The following POMZP3 variants were observed in gnomAD, a reference collection of about 807,000 sequenced individuals.
The protein encoded by POMZP3 is POM121 and ZP3 fusion protein.
In POMZP3, 10 loss-of-function variants were observed where a neutral mutation model predicts 19.8. That is an observed-to-expected ratio of 0.51 (90% CI 0.31 to 0.86). POMZP3 has a LOEUF of 0.86. Ranked by LOEUF, POMZP3 falls within the 40% of genes least tolerant of loss-of-function variation. POMZP3 has a pLI of 0.04. For synonymous variants in POMZP3, 57 were observed against 85.8 expected (o/e 0.66, Z 1.85); for missense variants, 152 against 228.1 (o/e 0.67, Z 2.15).
intron 3 of POMZP3, among the ~76,000 whole-genome samples, chr7:76,623,690 C>CTCAGCAGG (rs1429570226): frequency 2.7e-5 from 4 of 149,900 alleles, no homozygotes; most frequent in Non-Finnish European, 4.4e-5. Context: ...ATCCCAGCTA[C>CTCAGCAGG]TCAGCAGGCT....
At chr7:76,624,948 T>C (rs1815786757) in intron 3 of POMZP3, among the ~76,000 whole-genome samples, 1 of 150,644 alleles carries the variant, frequency 6.6e-6, no homozygotes, top group Non-Finnish European at 1.5e-5. Flanking sequence ...CTGGCCAACA[T>C]GGTGAAACCC....
intron 1 of POMZP3, 196 bp downstream of exon 1, chr7:76,626,512 A>C (rs1815909086): frequency 1.5e-5 from 9 of 601,672 alleles, no homozygotes; most frequent in Non-Finnish European, 2.3e-5. Flanking sequence ...GAAAGAAGGG[A>C]ATCGTTTTGG....
In POMZP3 at chr7:76,626,824, C is replaced by G. The variant is rs867665285; in HGVS notation, c.-268G>C. On this transcript the variant is annotated 5_prime_UTR_variant, in exon 1 of 7. Coordinates refer to ENST00000310842, the MANE Select transcript of POMZP3 (RefSeq NM_012230.5). ...TGGAGCGCGGCGCCGGGCGGGCGGGCGGCGGCCAGGCCTATTCCGCAGGTC... is the reference window on the plus strand; with the variant it reads ...TGGAGCGCGGCGCCGGGCGGGCGGGGGGCGGCCAGGCCTATTCCGCAGGTC... The G allele has an allele frequency of 1.8e-5, 22 of 1,224,574 alleles. No homozygotes were observed. The highest frequency in any genetic ancestry group is 3.2e-4 in the Middle Eastern group (1 of 3,164). The allele number at this position is 1,224,574 out of a possible 1,614,324, so 75.9% of individuals were successfully genotyped here. A position where few individuals can be genotyped will look rare whatever the true frequency, so the allele number is the denominator to read the frequency against.
At chr7:76,624,736 T>C (rs1025475387) in intron 3 of POMZP3, among the ~76,000 whole-genome samples, 7 of 150,858 alleles carry the variant, frequency 4.6e-5, no homozygotes, top group Non-Finnish European at 1.5e-5. Flanking sequence ...GTGAGCCACC[T>C]TGCCCTTCCA....
intron 4 of POMZP3, among the ~76,000 whole-genome samples, chr7:76,614,603 C>T (rs2002485): frequency 2.3e-3 from 182 of 77,808 alleles, no homozygotes; most frequent in African/African-American, 9.8e-3. Context: ...TGATAGCTCA[C>T]GCCTGTAATC....
At chr7:76,620,861 ATTTTTTTTTTT>A (rs56084078) in intron 3 of POMZP3, among the ~76,000 whole-genome samples, 1 of 76,206 alleles carries the variant, frequency 1.3e-5, no homozygotes, top group African/African-American at 6.8e-5. Context: ...CTGTAAAGCC[ATTTTTTTTTTT>A]TTTTTTTTTT....
intron 4 of POMZP3, among the ~76,000 whole-genome samples, chr7:76,614,564 CAA>C (rs749162077): frequency 3.3e-4 from 16 of 47,834 alleles, no homozygotes; most frequent in Admixed American, 9.1e-4. Context: ...CCATTTCCCC[CAA>C]AAAAAAAAAA....
chr7:76,620,627 C>T (rs575104747), intron 3 of POMZP3, among the ~76,000 whole-genome samples: 1 of 151,596 alleles, frequency 6.6e-6, no homozygotes, highest in Non-Finnish European at 1.5e-5. Context: ...CCCACCATGC[C>T]TGGCTAATTT....
Position 76,615,764 on chromosome 7 carries a change from C to T in POMZP3, c.345+2419G>A, listed in dbSNP as rs1473238048. 2.4e-5 allele frequency: 2 copies of T among 84,242 alleles called. 1 individual carries two copies. Among genetic ancestry groups the T allele is most frequent in the African/African-American group, 1.4e-4 (2 of 14,290 alleles). 5.2% of individuals were successfully genotyped at this position (84,242 alleles called of 1,614,324 possible). A position where few individuals can be genotyped will look rare whatever the true frequency, so the allele number is the denominator to read the frequency against. On this transcript the variant is annotated intron_variant, in intron 4 of 6. Coordinates refer to ENST00000310842, the MANE Select transcript of POMZP3 (RefSeq NM_012230.5). Reference sequence around the variant, plus strand: ...CTTTGGGAGGCCAAGGCAGGTGGATCGTTTGAGGTCGGGTATTCAAGACCA... The same window carrying T: ...CTTTGGGAGGCCAAGGCAGGTGGATTGTTTGAGGTCGGGTATTCAAGACCA...
intron 4 of POMZP3, 139 bp from the exon 5 acceptor site, chr7:76,611,952 A>G: frequency 6.7e-7 from 1 of 1,484,162 alleles, no homozygotes; most frequent in Non-Finnish European, 9.1e-7. Flanking sequence ...TAATCCCAGC[A>G]CTTTGGGAGG....
chr7:76,620,937 T>C (rs1815524226), intron 3 of POMZP3, among the ~76,000 whole-genome samples: 2 of 144,240 alleles, frequency 1.4e-5, no homozygotes, highest in Non-Finnish European at 3.0e-5. Context: ...GGCATGATCT[T>C]GGCTCACTGC....
In POMZP3 at chr7:76,610,227, G is replaced by A; in HGVS notation, c.*12-12C>T. 1 of 1,613,820 alleles carries A rather than the reference G, an allele frequency of 6.2e-7. No homozygotes were observed. Among genetic ancestry groups the A allele is most frequent in the Non-Finnish European group, 8.5e-7 (1 of 1,179,836 alleles). ...TGCTTCTTCTGTCACTGTGAAAGGAGAACACACAACCAAGGGTCATCTTAG... is the reference window on the plus strand; with the variant it reads ...TGCTTCTTCTGTCACTGTGAAAGGAAAACACACAACCAAGGGTCATCTTAG... On this transcript the variant is annotated splice_polypyrimidine_tract_variant and intron_variant, in intron 6 of 6. Coordinates refer to ENST00000310842, the MANE Select transcript of POMZP3 (RefSeq NM_012230.5).
chr7:76,616,274 C>G (rs1815284211), intron 4 of POMZP3, among the ~76,000 whole-genome samples: 1 of 95,670 alleles, frequency 1.0e-5, no homozygotes, highest in African/African-American at 5.8e-5. Context: ...CAGAGTGAGA[C>G]TGTCTCAAAA....
At chr7:76,619,862 TAAAAA>T (rs1425306566) in intron 3 of POMZP3, among the ~76,000 whole-genome samples, 1 of 85,646 alleles carries the variant, frequency 1.2e-5, no homozygotes, top group Non-Finnish European at 2.3e-5. Context: ...CTACAAAAAA[TAAAAA>T]AATTAGCTGG....
At chr7:76,615,230 A>C (rs1815248284) in intron 4 of POMZP3, among the ~76,000 whole-genome samples, 1 of 97,026 alleles carries the variant, frequency 1.0e-5, no homozygotes, top group Non-Finnish European at 2.3e-5. Context: ...CTCTGTGAAA[A>C]CTTCTCCCCA....
intron 3 of POMZP3, among the ~76,000 whole-genome samples, chr7:76,623,824 G>A (rs1430730495): frequency 6.6e-6 from 1 of 152,028 alleles, no homozygotes; most frequent in African/African-American, 2.4e-5. Flanking sequence ...AAGAGAGAGA[G>A]AGAGAAAGAA....
chr7:76,625,903 T>G (rs1162025729), intron 2 of POMZP3, 97 bp downstream of exon 2: 1 of 1,552,618 alleles, frequency 6.4e-7, no homozygotes, highest in Admixed American at 1.9e-5. Flanking sequence ...GATTCGTCCT[T>G]TCTTTTTTGC....
At position 76,626,259 on chromosome 7, in the gene POMZP3, A is replaced by C. The variant is rs1270991958; in HGVS notation, c.-151-44T>G. On this transcript the variant is annotated intron_variant, in intron 1 of 6. Transcript: ENST00000310842. ...AAATCATGGAAACAAAGTATAAAAG[A>C]ATGTCAAAATTTTAGACGGTTAAAA... 3 of 1,491,070 alleles carry C rather than the reference A, an allele frequency of 2.0e-6. No homozygotes were observed. In the African/African-American group the frequency reaches 4.2e-5, roughly 21 times the overall value. 92.4% of individuals were successfully genotyped at this position (1,491,070 alleles called of 1,614,324 possible).
At chr7:76,625,453 G>A in intron 3 of POMZP3, 69 bp downstream of exon 3, 1 of 1,599,536 alleles carries the variant, frequency 6.3e-7, no homozygotes, top group Non-Finnish European at 8.6e-7. Flanking sequence ...ATCTTTACGG[G>A]AATGTCTACA....
Sources: gnomAD v4.1 joint callset for allele counts (sites outside exome capture counted in the v4.1 genomes callset) on GRCh38, gnomAD v4.1.1 for gene constraint, MANE v1.5 for transcripts, NCBI Gene and HGNC (gene_info 2026-07-23, HGNC 2026-07-21) for gene names.